The following INPP4B variants were observed in gnomAD, a reference collection of about 807,000 sequenced individuals.
The protein encoded by INPP4B is inositol polyphosphate-4-phosphatase type II B.
In INPP4B, 55 loss-of-function variants were observed where a neutral mutation model predicts 122.5. The ratio of observed to expected loss-of-function variants is 0.45; its 90% CI spans 0.36 to 0.56. The LOEUF (loss-of-function observed/expected upper bound fraction) is 0.56. Ranked by LOEUF, INPP4B falls within the 20% of genes least tolerant of loss-of-function variation. The pLI, the probability that INPP4B is intolerant of heterozygous loss-of-function variation, is 0.00. For synonymous variants in INPP4B, 403 were observed against 388.7 expected, an observed-to-expected ratio of 1.04 and a Z score of -0.43; for missense variants, 1,000 against 1,097.7, an observed-to-expected ratio of 0.91 and a Z score of 1.26.
intron 2 of INPP4B, among the ~76,000 whole-genome samples, chr4:142,650,777 T>C (rs140512083): frequency 0.012 from 1,749 of 152,082 alleles, 31 homozygotes; most frequent in African/African-American, 0.032. Flanking sequence ...TAATGGGAGA[T>C]TTTAACACCC....
intron 15 of INPP4B, among the ~76,000 whole-genome samples, chr4:142,174,144 T>C (rs1022770487): frequency 1.3e-5 from 2 of 152,098 alleles, no homozygotes; most frequent in Non-Finnish European, 2.9e-5. Flanking sequence ...AAATTAGTAT[T>C]ACTATTAATT....
intron 7 of INPP4B, among the ~76,000 whole-genome samples, chr4:142,375,484 A>C (rs1791499777): frequency 6.6e-6 from 1 of 151,916 alleles, no homozygotes; most frequent in South Asian, 2.1e-4. Flanking sequence ...TTAATAAAAA[A>C]GTCATTTCCA....
chr4:142,462,346 C>T (rs975648247), intron 3 of INPP4B, among the ~76,000 whole-genome samples: 7 of 152,108 alleles, frequency 4.6e-5, no homozygotes, highest in Non-Finnish European at 8.8e-5. Context: ...TCTATAAAAT[C>T]GCCTTACAGA....
At chr4:142,642,617 A>G (rs1340669684) in intron 2 of INPP4B, among the ~76,000 whole-genome samples, 1 of 152,084 alleles carries the variant, frequency 6.6e-6, no homozygotes, top group Non-Finnish European at 1.5e-5. Flanking sequence ...GTTCTGTTCC[A>G]TTGGTCTATA....
intron 1 of INPP4B, among the ~76,000 whole-genome samples, chr4:142,787,675 T>C (rs548235782): frequency 6.6e-6 from 1 of 152,140 alleles, no homozygotes; most frequent in South Asian, 2.1e-4. Context: ...CAAATTTATA[T>C]CCAAATTCTG....
At chr4:142,428,983 T>A (rs1156287876) in intron 5 of INPP4B, among the ~76,000 whole-genome samples, 190 bp downstream of exon 5, 3 of 151,998 alleles carry the variant, frequency 2.0e-5, no homozygotes, top group Admixed American at 6.6e-5. Context: ...GAACCCTGTA[T>A]CCTTGGGCAG....
intron 9 of INPP4B, among the ~76,000 whole-genome samples, chr4:142,281,497 C>A (rs935283519): frequency 2.0e-5 from 3 of 151,758 alleles, no homozygotes; most frequent in Admixed American, 6.6e-5. Flanking sequence ...GTATTAAATG[C>A]TAGTGATGTG....
intron 25 of INPP4B, among the ~76,000 whole-genome samples, chr4:142,080,867 A>G (rs1773568131): frequency 6.6e-6 from 1 of 152,144 alleles, no homozygotes; most frequent in South Asian, 2.1e-4. Flanking sequence ...TGAAGATTTC[A>G]TACTTGAATT....
intron 2 of INPP4B, among the ~76,000 whole-genome samples, chr4:142,566,850 A>C (rs1228099136): frequency 2.0e-5 from 3 of 152,174 alleles, no homozygotes; most frequent in African/African-American, 7.2e-5. Context: ...GCAAAGTTAT[A>C]ACCAGCTCAT....
intron 2 of INPP4B, among the ~76,000 whole-genome samples, chr4:142,678,442 C>A (rs977452075): frequency 3.3e-5 from 5 of 152,050 alleles, no homozygotes; most frequent in African/African-American, 1.2e-4. Flanking sequence ...CATTAGACAA[C>A]TGAGTGTGTG....
At chr4:142,077,459 A>G (rs547292849) in intron 25 of INPP4B, among the ~76,000 whole-genome samples, 1 of 152,100 alleles carries the variant, frequency 6.6e-6, no homozygotes, top group African/African-American at 2.4e-5. Context: ...ATTTCCCTAT[A>G]CAATTATTTT....
intron 25 of INPP4B, among the ~76,000 whole-genome samples, chr4:142,036,133 C>T (rs890332568): frequency 1.5e-4 from 23 of 152,008 alleles, no homozygotes; most frequent in African/African-American, 4.8e-4. Context: ...TTAGCTCCCA[C>T]TTATAATTGA....
chr4:142,411,628 A>T (rs550997273), intron 5 of INPP4B, among the ~76,000 whole-genome samples: 1 of 152,308 alleles, frequency 6.6e-6, no homozygotes, highest in Admixed American at 6.5e-5. Flanking sequence ...ACAGTGGCTA[A>T]TGCCTGTAAT....
intron 12 of INPP4B, among the ~76,000 whole-genome samples, chr4:142,224,629 C>T (rs778127693): frequency 3.3e-5 from 5 of 151,890 alleles, no homozygotes; most frequent in Admixed American, 6.6e-5. Context: ...AGACTCTTAT[C>T]GGCCATCTTC....
At chr4:142,102,406 G>A (rs1784884742) in intron 23 of INPP4B, among the ~76,000 whole-genome samples, 1 of 150,594 alleles carries the variant, frequency 6.6e-6, no homozygotes, top group Non-Finnish European at 1.5e-5. Context: ...AAGGACATCA[G>A]AGAGAACCAT....
intron 7 of INPP4B, among the ~76,000 whole-genome samples, chr4:142,389,361 G>A (rs547157157): frequency 6.6e-5 from 10 of 151,840 alleles, no homozygotes; most frequent in South Asian, 2.1e-4. Context: ...TAATGTTTCC[G>A]TAAAAGAGCT....
At chr4:142,308,611 A>C (rs1185290372) in intron 8 of INPP4B, among the ~76,000 whole-genome samples, 1 of 152,174 alleles carries the variant, frequency 6.6e-6, no homozygotes, top group African/African-American at 2.4e-5. Flanking sequence ...TAAAAGAATG[A>C]ATGAGAAGAG....
intron 2 of INPP4B, among the ~76,000 whole-genome samples, chr4:142,662,499 C>A (rs909565060): frequency 2.6e-5 from 4 of 152,122 alleles, no homozygotes; most frequent in Admixed American, 6.5e-5. Context: ...GGTGGCTGCA[C>A]AATTAGAGAT....
rs758952215 is a variant in INPP4B at position 142,145,820 on chromosome 4, GA to G, written c.1720+19del. The G allele has an allele frequency of 4.1e-5, 66 of 1,608,342 alleles. No homozygotes were observed. Among genetic ancestry groups the G allele is most frequent in the East Asian group, 3.6e-4 (16 of 44,780 alleles). On this transcript the variant is annotated intron_variant, in intron 18 of 25. Coordinates refer to ENST00000262992, the MANE Select transcript of INPP4B (RefSeq NM_001101669.3). ...TTTTGTTTACTCAGTAAATGATTGGGAAAAAAAATTATTTCTTACCTCTTGG... is the reference window on the plus strand; with the variant it reads ...TTTTGTTTACTCAGTAAATGATTGGGAAAAAAATTATTTCTTACCTCTTGG...
Sources: gnomAD v4.1 joint callset for allele counts (sites outside exome capture counted in the v4.1 genomes callset) on GRCh38, gnomAD v4.1.1 for gene constraint, MANE v1.5 for transcripts, NCBI Gene and HGNC (gene_info 2026-07-23, HGNC 2026-07-21) for gene names.